IL1RL1: variants seen among roughly 807,000 people sequenced by gnomAD.
IL1RL1 encodes interleukin-1 receptor-like 1.
In IL1RL1, 32 loss-of-function variants were observed where a neutral mutation model predicts 50.9. That is an observed-to-expected ratio of 0.63 (90% confidence interval 0.47 to 0.84). The LOEUF (loss-of-function observed/expected upper bound fraction) is 0.84. IL1RL1 is among the 40% of genes least tolerant of loss of function. The pLI is 0.00. For missense variants in IL1RL1, 773 were observed against 662.9 expected (o/e 1.17, Z -1.82); for synonymous variants, 275 against 236.0 (o/e 1.17, Z -1.51).
At chr2:102,319,802 C>G (rs1161061501) in intron 1 of IL1RL1, among the ~76,000 whole-genome samples, 1 of 152,178 alleles carries the variant, frequency 6.6e-6, no homozygotes, top group Non-Finnish European at 1.5e-5. Context: ...GATCCTCTTG[C>G]CTCAGCCTCC....
intron 1 of IL1RL1, among the ~76,000 whole-genome samples, chr2:102,312,284 A>AAT (rs1297063549): frequency 6.8e-6 from 1 of 148,134 alleles, no homozygotes; most frequent in Non-Finnish European, 1.5e-5. Flanking sequence ...TATATAATGT[A>AAT]ATATATATAA....
intron 2 of IL1RL1, 99 bp downstream of exon 2, chr2:102,338,424 T>C (rs1244634240): frequency 4.7e-6 from 3 of 642,602 alleles, no homozygotes; most frequent in South Asian, 2.4e-5. Context: ...GTTGTTCCAG[T>C]TGAATTGTAA....
At chr2:102,343,792 A>T (rs905426422) in intron 8 of IL1RL1, 29 of 1,105,948 alleles carry the variant, frequency 2.6e-5, no homozygotes, top group Admixed American at 4.4e-5. Flanking sequence ...AACTTGCATT[A>T]CATGTTGTAA....
intron 1 of IL1RL1, among the ~76,000 whole-genome samples, chr2:102,324,619 A>G (rs1374104059): frequency 3.3e-5 from 5 of 152,200 alleles, no homozygotes; most frequent in East Asian, 3.9e-4. Context: ...AAGGGGTGAC[A>G]GATGGCACCT....
chr2:102,335,505 A>T (rs1366113056), intron 1 of IL1RL1, among the ~76,000 whole-genome samples: 1 of 152,170 alleles, frequency 6.6e-6, no homozygotes, highest in Admixed American at 6.5e-5. Context: ...GTAACTATAA[A>T]ATTTGAGTGA....
chr2:102,321,810 A>G (rs1005104750), intron 1 of IL1RL1, among the ~76,000 whole-genome samples: 1 of 152,222 alleles, frequency 6.6e-6, no homozygotes, highest in Admixed American at 6.5e-5. Flanking sequence ...AGCAAATTTG[A>G]GATGATGGAG....
At chr2:102,324,506 A>G (rs1170702611) in intron 1 of IL1RL1, among the ~76,000 whole-genome samples, 2 of 152,196 alleles carry the variant, frequency 1.3e-5, no homozygotes, top group African/African-American at 4.8e-5. Flanking sequence ...TAGTGGGTGC[A>G]GGACAGTGGG....
At chr2:102,344,107 C>A in intron 8 of IL1RL1, 2 of 175,256 alleles carry the variant, frequency 1.1e-5, no homozygotes, top group Non-Finnish European at 2.2e-5. Context: ...GAAGGCAAAG[C>A]AAAGGCAGGC....
intron 8 of IL1RL1, among the ~76,000 whole-genome samples, chr2:102,347,439 C>A (rs1305072613): frequency 6.6e-6 from 1 of 152,196 alleles, no homozygotes; most frequent in African/African-American, 2.4e-5. Flanking sequence ...TGGCCCTGAC[C>A]AAACTTTCTA....
chr2:102,341,590 G>A (rs1677566541), intron 5 of IL1RL1, among the ~76,000 whole-genome samples: 1 of 152,116 alleles, frequency 6.6e-6, no homozygotes, highest in Non-Finnish European at 1.5e-5. Context: ...CTCCACCGCT[G>A]TAAAATAAGC....
At chr2:102,319,186 T>A (rs1025651854) in intron 1 of IL1RL1, among the ~76,000 whole-genome samples, 10 of 152,154 alleles carry the variant, frequency 6.6e-5, no homozygotes, top group African/African-American at 2.2e-4. Flanking sequence ...CTTTTTTTTT[T>A]AACTGAGGAG....
intron 1 of IL1RL1, among the ~76,000 whole-genome samples, chr2:102,336,845 C>A (rs770498360): frequency 2.6e-5 from 4 of 152,170 alleles, no homozygotes; most frequent in African/African-American, 4.8e-5. Context: ...TCCTCTCCCC[C>A]ACCTTTGCTT....
At chr2:102,319,619 G>T (rs1174002352) in intron 1 of IL1RL1, among the ~76,000 whole-genome samples, 1 of 152,166 alleles carries the variant, frequency 6.6e-6, no homozygotes, top group African/African-American at 2.4e-5. Context: ...GATCCAGCAG[G>T]CTATAAGGCA....
At chr2:102,326,295 C>A (rs1676995990) in intron 1 of IL1RL1, among the ~76,000 whole-genome samples, 1 of 152,092 alleles carries the variant, frequency 6.6e-6, no homozygotes, top group South Asian at 2.1e-4. Context: ...TACAGACAAG[C>A]AAATGCTGAG....
At chr2:102,333,700 A>G (rs1677233961) in intron 1 of IL1RL1, among the ~76,000 whole-genome samples, 1 of 152,122 alleles carries the variant, frequency 6.6e-6, no homozygotes, top group African/African-American at 2.4e-5. Flanking sequence ...AATTGTGAAT[A>G]TTGTACCCAG....
chr2:102,331,052 T>C (rs1677165462), intron 1 of IL1RL1, among the ~76,000 whole-genome samples: 1 of 152,236 alleles, frequency 6.6e-6, no homozygotes, highest in African/African-American at 2.4e-5. Context: ...CAATTTACTA[T>C]ATATTTTTGA....
rs1450563083 is a variant in IL1RL1 at position 102,349,260 on chromosome 2, C to T, written c.1285+14C>T. The T allele has an allele frequency of 6.2e-6, 10 of 1,608,254 alleles. No homozygotes were observed. The highest frequency in any genetic ancestry group is 8.5e-6 in the Non-Finnish European group (10 of 1,174,804). On this transcript the variant is annotated intron_variant, in intron 10 of 10. Coordinates refer to ENST00000233954, the MANE Select transcript of IL1RL1 (RefSeq NM_016232.5). ...TACCTGGAGAAGGTAAAGCTATTGA[C>T]ATACATTAGGGACAGAAATTCATGC...
At chr2:102,352,068 C>T, downstream of IL1RL1, 1 of 825,848 alleles carries the variant, frequency 1.2e-6, no homozygotes, top group Non-Finnish European at 1.8e-6. Flanking sequence ...CCTTCCATTT[C>T]CCTGCTTCTG....
chr2:102,343,254 C>A lies in IL1RL1; in HGVS notation c.825-16C>A, dbSNP rs1318179623. Reference sequence around the variant, plus strand: ...CCTGCAAAGTAGGCATTAAAAGTAACAGGTTGCTTTCTTAGTTTCAGCAAT... The same window carrying A: ...CCTGCAAAGTAGGCATTAAAAGTAAAAGGTTGCTTTCTTAGTTTCAGCAAT... On this transcript the variant is annotated splice_polypyrimidine_tract_variant and intron_variant, in intron 7 of 10. Coordinates refer to ENST00000233954, the MANE Select transcript of IL1RL1 (RefSeq NM_016232.5). The A allele has an allele frequency of 1.2e-6, 2 of 1,614,164 alleles. No individual in the cohort carries two copies. The highest frequency in any genetic ancestry group is 2.2e-5 in the South Asian group (2 of 91,076).
Sources: gnomAD v4.1 joint callset for allele counts (sites outside exome capture counted in the v4.1 genomes callset) on GRCh38, gnomAD v4.1.1 for gene constraint, MANE v1.5 for transcripts, NCBI Gene and HGNC (gene_info 2026-07-23, HGNC 2026-07-21) for gene names.